The following GALNT18 variants were observed in gnomAD, a reference collection of about 807,000 sequenced individuals.
The protein encoded by GALNT18 is GalNAc-transferase 18.
A neutral mutation model predicts 69.5 loss-of-function variants in GALNT18; 44 were observed. That is an observed-to-expected ratio of 0.63 (90% CI 0.50 to 0.81). The LOEUF (loss-of-function observed/expected upper bound fraction) is 0.81, where lower values mean the gene tolerates loss of function less well. GALNT18 is among the 40% of genes least tolerant of loss of function. GALNT18 has a pLI of 0.00. For synonymous variants in GALNT18, 364 were observed against 318.2 expected, an observed-to-expected ratio of 1.14 and a Z score of -1.53; for missense variants, 715 against 810.0, an observed-to-expected ratio of 0.88 and a Z score of 1.42.
rs1859680498 is a variant in GALNT18 at position 11,603,513 on chromosome 11, C to A, written c.235+17846G>T. On this transcript the variant is annotated intron_variant, in intron 1 of 10. Coordinates refer to ENST00000227756, the MANE Select transcript of GALNT18 (RefSeq NM_198516.3). This position sits in a 1 kb window ranked among gnomAD's most constrained non-coding sequence, Gnocchi z 4.5. ...TTTTGAAATGATACACAGCACCCAC[C>A]CCCTCAACCATCAGAGCAACATACC... Among the ~76,000 whole-genome samples the A allele has an allele frequency of 6.6e-6, 1 of 152,118 alleles. No individual in the cohort carries two copies. The highest frequency in any genetic ancestry group is 2.4e-5 in the African/African-American group (1 of 41,424).
Position 11,428,247 on chromosome 11 carries a change from T to C in GALNT18, c.595+4374A>G, listed in dbSNP as rs1855180039. On this transcript the variant is annotated intron_variant, in intron 3 of 10. Transcript: ENST00000227756. ...GTCAGGCTGAGATCCGAAGGGCCTT[T>C]AGCCATGTCCTAAGGCTAGAGAGGG... Among the ~76,000 whole-genome samples, 3 of 152,240 alleles carry C rather than the reference T, an allele frequency of 2.0e-5. No individual in the cohort carries two copies. The South Asian group carries it at 6.2e-4, about 31-fold the overall frequency.
Position 11,372,819 on chromosome 11 carries a change from G to A in GALNT18, c.978-190C>T, listed in dbSNP as rs928705734. Among the ~76,000 whole-genome samples, 21 of 152,268 alleles carry A rather than the reference G, an allele frequency of 1.4e-4. No individual in the cohort carries two copies. The highest frequency in any genetic ancestry group is 1.9e-4 in the East Asian group (1 of 5,180). Reference sequence around the variant, plus strand: ...CCACTCCAGAAAGGCTGTTTCATCCGGGCAGTGGGTAGACAGCTGCCATCC... The same window carrying A: ...CCACTCCAGAAAGGCTGTTTCATCCAGGCAGTGGGTAGACAGCTGCCATCC... On this transcript the variant is annotated intron_variant, in intron 5 of 10. Transcript: ENST00000227756. This position sits in a 1 kb window ranked among gnomAD's most constrained non-coding sequence, Gnocchi z 4.9.
At chr11:11,416,452 G>A (rs1854859096) in intron 3 of GALNT18, among the ~76,000 whole-genome samples, 2 of 152,112 alleles carry the variant, frequency 1.3e-5, no homozygotes, top group East Asian at 1.9e-4. Flanking sequence ...CCCTGTTGGA[G>A]ACACTCTTTT....
At position 11,315,568 on chromosome 11, in the gene GALNT18, C is replaced by T. The variant is rs16909413; in HGVS notation, c.1512+11518G>A. ...GCCTCCGATGTCCCCTTTCTTCACC[C>T]GTGTAGAGTTTGCTCTTGGGTGAGG... On this transcript the variant is annotated intron_variant, in intron 9 of 10. Coordinates refer to ENST00000227756, the MANE Select transcript of GALNT18 (RefSeq NM_198516.3). This position sits in a 1 kb window ranked among gnomAD's most constrained non-coding sequence, Gnocchi z 5.6. Among the ~76,000 whole-genome samples, 23,539 of 152,104 alleles carry T rather than the reference C, an allele frequency of 0.15. 2,426 individuals are homozygous for T. Among genetic ancestry groups the T allele is most frequent in the Admixed American group, 0.31 (4,808 of 15,276 alleles).
At chr11:11,291,283 C>G (rs1193997743) in intron 10 of GALNT18, among the ~76,000 whole-genome samples, 4 of 152,070 alleles carry the variant, frequency 2.6e-5, no homozygotes, top group Non-Finnish European at 5.9e-5. Context: ...TCCCACGTGG[C>G]CACTTCCGAC....
At chr11:11,615,645 T>C (rs1487473125) in intron 1 of GALNT18, among the ~76,000 whole-genome samples, 1 of 152,246 alleles carries the variant, frequency 6.6e-6, no homozygotes, top group Non-Finnish European at 1.5e-5. Context: ...CCTGAAACAG[T>C]TATTTTCAAC....
At chr11:11,306,051 G>C (rs991368297) in intron 9 of GALNT18, among the ~76,000 whole-genome samples, 3 of 152,144 alleles carry the variant, frequency 2.0e-5, no homozygotes, top group African/African-American at 7.2e-5. Flanking sequence ...TGGATAGAAT[G>C]GGGTCTCTCC....
chr11:11,484,748 A>G (rs1315349577), intron 1 of GALNT18, among the ~76,000 whole-genome samples: 3 of 152,216 alleles, frequency 2.0e-5, no homozygotes, highest in Non-Finnish European at 4.4e-5. Context: ...CTAGAAGGAC[A>G]GAACCCAAGT....
At chr11:11,507,055 A>G (rs140335848) in intron 1 of GALNT18, among the ~76,000 whole-genome samples, 110 of 152,344 alleles carry the variant, frequency 7.2e-4, no homozygotes, top group African/African-American at 2.6e-3. Context: ...GAACCTGAAA[A>G]TGTGGGCAAA....
rs1849329350 is a variant in GALNT18, at chr11:11,292,971, G to A, written c.1677+58C>T. On this transcript the variant is annotated intron_variant, in intron 10 of 10. Transcript: ENST00000227756. ...CTCCACCACCTCCCTGGCCCCTGAG[G>A]CCACTCTCCTGGTTTTCCACGATGG... 4.5e-6 allele frequency: 6 copies of A among 1,326,362 alleles called. No individual in the cohort carries two copies. In the East Asian group the frequency reaches 1.7e-4, roughly 37 times the overall value. The allele number at this position is 1,326,362 out of a possible 1,614,324, so 82.2% of individuals were successfully genotyped here.
In GALNT18 at chr11:11,590,748, A is replaced by G. The variant is rs1023793099; in HGVS notation, c.235+30611T>C. Among the ~76,000 whole-genome samples, 2 of 152,120 alleles carry G rather than the reference A, an allele frequency of 1.3e-5. No homozygotes were observed. The highest frequency in any genetic ancestry group is 2.9e-5 in the Non-Finnish European group (2 of 68,008). On this transcript the variant is annotated intron_variant, in intron 1 of 10. Transcript: ENST00000227756. This position sits in a 1 kb window ranked among gnomAD's most constrained non-coding sequence, Gnocchi z 4.4. ...ATTACAATGGAGCCCAAAAATTCCT[A>G]TTGCCTAGTAACATCACAGCCATCC...
At chr11:11,400,450 G>A (rs1361604378) in intron 3 of GALNT18, among the ~76,000 whole-genome samples, 1 of 152,206 alleles carries the variant, frequency 6.6e-6, no homozygotes. Context: ...AAGGACTGCG[G>A]CAAACCAGAG....
rs11021826 is a variant in GALNT18, at chr11:11,387,520, T to G, written c.596-8256A>C. Among the ~76,000 whole-genome samples, 27,678 of 152,208 alleles carry G rather than the reference T, an allele frequency of 0.18. 2,987 individuals carry two copies. The highest frequency in any genetic ancestry group is 0.54 in the East Asian group (2,784 of 5,160). On this transcript the variant is annotated intron_variant, in intron 3 of 10. Coordinates refer to ENST00000227756, the MANE Select transcript of GALNT18 (RefSeq NM_198516.3). This position sits in a 1 kb window ranked among gnomAD's most constrained non-coding sequence, Gnocchi z 4.6. ...GTCTCCAATGGTGCTAATTTAAAGA[T>G]TAAAAGTGTGTTTATTCCTTTCCAA...
intron 1 of GALNT18, among the ~76,000 whole-genome samples, chr11:11,486,095 G>T (rs1856639837): frequency 6.6e-6 from 1 of 152,170 alleles, no homozygotes; most frequent in African/African-American, 2.4e-5. Flanking sequence ...CTACAAGAAG[G>T]ACTCAGCATG....
intron 6 of GALNT18, among the ~76,000 whole-genome samples, chr11:11,344,866 CCTCTTGGCT>C (rs1564903018): frequency 0.01 from 24 of 2,292 alleles, no homozygotes; most frequent in African/African-American, 0.018. Flanking sequence ...GGCTATGTAA[CCTCTTGGCT>C]AACAAACACC....
In GALNT18 at chr11:11,469,887, G is replaced by A. The variant is rs549164761; in HGVS notation, c.236-20951C>T. ...TCCATTGGAGAAGAGCATATTTAAG[G>A]ACATAGTCATTCCATCAGGCCCCCA... On this transcript the variant is annotated intron_variant, in intron 1 of 10. Coordinates refer to ENST00000227756, the MANE Select transcript of GALNT18 (RefSeq NM_198516.3). This position sits in a 1 kb window ranked among gnomAD's most constrained non-coding sequence, Gnocchi z 4.2. Among the ~76,000 whole-genome samples the A allele has an allele frequency of 8.5e-5, 13 of 152,256 alleles. No homozygotes were observed. The highest frequency in any genetic ancestry group is 3.1e-4 in the African/African-American group (13 of 41,556).
At chr11:11,351,863 C>T in intron 6 of GALNT18, 3 of 1,117,806 alleles carry the variant, frequency 2.7e-6, no homozygotes, top group Non-Finnish European at 3.9e-6. Context: ...TGTTTCACCC[C>T]TCCCCGCCAG....
In GALNT18 at chr11:11,379,137, C is replaced by T. The variant is rs372365556; in HGVS notation, c.723G>A (p.Ala241=). The part of the protein sequence containing the change: ...LIRSRVSGWR[A]ATAPVVALFD... The stretch of plus-strand genomic sequence containing the variant: ...AGAGTGCCACCACAGGGGCAGTGGC[C>T]GCCCTCCAGCCACTGACCCTGGAGC... Residue 241 remains alanine (A), a synonymous_variant, in exon 4 of 11, where the codon GCG becomes GCA. Transcript: ENST00000227756. 62 of 1,611,178 alleles carry T rather than the reference C, an allele frequency of 3.8e-5. No individual in the cohort carries two copies. The East Asian group carries it at 4.0e-4, about 10-fold the overall frequency.
intron 5 of GALNT18, among the ~76,000 whole-genome samples, chr11:11,373,648 C>T: frequency 6.6e-6 from 1 of 152,312 alleles, no homozygotes; most frequent in East Asian, 1.9e-4. Flanking sequence ...CTATGGGGTC[C>T]AGGAGCTGGA....
Sources: allele counts gnomAD v4.1 joint callset (sites outside exome capture counted in the v4.1 genomes callset), GRCh38; gene constraint gnomAD v4.1.1; non-coding constraint Gnocchi (gnomAD v3.1); transcripts MANE v1.5; gene names NCBI Gene and HGNC (gene_info 2026-07-23, HGNC 2026-07-21).